Variants in CPVL observed in about 807,000 individuals in gnomAD.
CPVL encodes the protein carboxypeptidase vitellogenic like, also known as probable serine carboxypeptidase CPVL.
Under a neutral mutation model 63.7 loss-of-function variants are expected in CPVL, and 51 were observed. The observed-to-expected ratio is 0.80, with a 90% confidence interval of 0.64 to 1.01. The LOEUF (loss-of-function observed/expected upper bound fraction) is 1.01. Ranked by LOEUF, CPVL falls within the 50% of genes least tolerant of loss-of-function variation. The pLI is 0.00. For synonymous variants in CPVL, 195 were observed against 206.0 expected (o/e 0.95, Z 0.46); for missense variants, 530 against 573.1 (o/e 0.92, Z 0.77).
intron 2 of CPVL, among the ~76,000 whole-genome samples, chr7:29,118,077 T>C (rs998991238): frequency 2.6e-5 from 4 of 152,174 alleles, no homozygotes; most frequent in African/African-American, 9.7e-5. Flanking sequence ...CTGGTCACTT[T>C]AGAAGAACAC....
intron 4 of CPVL, 51 bp downstream of exon 4, chr7:29,096,052 T>G: frequency 3.6e-6 from 5 of 1,394,072 alleles, no homozygotes; most frequent in African/African-American, 1.4e-5. Flanking sequence ...GGAGCAGGTA[T>G]GAGGCTCAGA....
chr7:29,122,834 C>G (rs1490720953), intron 1 of CPVL, among the ~76,000 whole-genome samples: 1 of 152,118 alleles, frequency 6.6e-6, no homozygotes, highest in African/African-American at 2.4e-5. Flanking sequence ...TAACATATTA[C>G]TAGTCTTGAA....
chr7:29,114,886 T>C (rs1788626160), intron 2 of CPVL, among the ~76,000 whole-genome samples: 1 of 152,144 alleles, frequency 6.6e-6, no homozygotes, highest in Admixed American at 6.5e-5. Flanking sequence ...TTGCTGTCTG[T>C]GAAATGCACC....
intron 5 of CPVL, among the ~76,000 whole-genome samples, chr7:29,176,188 GA>G (rs200056581): frequency 3.6e-5 from 5 of 137,296 alleles, no homozygotes; most frequent in Admixed American, 7.4e-5. Context: ...TCCGTCTCAA[GA>G]AAAAAAAAAC....
At chr7:29,181,907 G>A (rs1453043825) in intron 4 of CPVL, among the ~76,000 whole-genome samples, 1 of 152,150 alleles carries the variant, frequency 6.6e-6, no homozygotes, top group Non-Finnish European at 1.5e-5. Context: ...AGGGAATATG[G>A]ATGATTTCTT....
At chr7:29,059,192 C>T (rs1415616172) in intron 11 of CPVL, among the ~76,000 whole-genome samples, 1 of 152,098 alleles carries the variant, frequency 6.6e-6, no homozygotes, top group Non-Finnish European at 1.5e-5. Context: ...TACTAGTGAG[C>T]CCACCAAAGA....
chr7:29,033,446 A>G (rs1002647824), intron 11 of CPVL, among the ~76,000 whole-genome samples: 1 of 152,162 alleles, frequency 6.6e-6, no homozygotes, highest in Admixed American at 6.5e-5. Flanking sequence ...TCTGACAAGG[A>G]CAGGTTGGCC....
At chr7:29,147,882 T>C (rs1792979653), upstream of CPVL, among the ~76,000 whole-genome samples, 1 of 152,200 alleles carries the variant, frequency 6.6e-6, no homozygotes, top group Non-Finnish European at 1.5e-5. Context: ...ACCTTGGGAA[T>C]TGACATGAAA....
intron 1 of CPVL, chr7:29,194,852 G>T: frequency 8.1e-7 from 1 of 1,230,796 alleles, no homozygotes. Context: ...TGGGCTGGGG[G>T]CCGCGGAGGC....
In CPVL at chr7:28,995,539, C is replaced by T. The variant is rs1783975659; in HGVS notation, c.*233G>A. 2 of 441,712 alleles carry T rather than the reference C, an allele frequency of 4.5e-6. No individual in the cohort carries two copies. Among genetic ancestry groups the T allele is most frequent in the Non-Finnish European group, 7.9e-6 (2 of 253,404 alleles). 27.4% of individuals were successfully genotyped at this position (441,712 alleles called of 1,614,324 possible). Reference sequence around the variant, plus strand: ...TTGTCTCAGTGTCACATCATCCATACCTTTCATCCTTTAAGTTAAATAATG... The same window carrying T: ...TTGTCTCAGTGTCACATCATCCATATCTTTCATCCTTTAAGTTAAATAATG... On this transcript the variant is annotated 3_prime_UTR_variant, in exon 13 of 13. Transcript: ENST00000265394.
At chr7:29,045,379 G>A (rs1393292984) in intron 11 of CPVL, among the ~76,000 whole-genome samples, 1 of 152,064 alleles carries the variant, frequency 6.6e-6, no homozygotes, top group African/African-American at 2.4e-5. Flanking sequence ...GTATAAATTG[G>A]TTTTCGAATG....
chr7:29,021,672 A>T (rs753806921), intron 12 of CPVL, among the ~76,000 whole-genome samples: 13 of 151,986 alleles, frequency 8.6e-5, no homozygotes, highest in Non-Finnish European at 1.6e-4. Context: ...ACAAGCCCTG[A>T]GACTAGTATA....
At chr7:29,174,035 C>T (rs1796944962) in intron 5 of CPVL, among the ~76,000 whole-genome samples, 1 of 151,962 alleles carries the variant, frequency 6.6e-6, no homozygotes, top group Non-Finnish European at 1.5e-5. Flanking sequence ...CAGACACAAG[C>T]GGAGTTCACA....
chr7:29,040,512 A>AGGAG (rs1243945800), intron 11 of CPVL, among the ~76,000 whole-genome samples: 16 of 152,320 alleles, frequency 1.1e-4, no homozygotes, highest in Non-Finnish European at 2.4e-4. Flanking sequence ...TGTAATACTC[A>AGGAG]GGAGGCCTGA....
At chr7:29,072,460 T>C (rs375546558) in intron 7 of CPVL, 37 bp from the exon 8 acceptor site, 2 of 1,603,454 alleles carry the variant, frequency 1.2e-6, no homozygotes, top group Non-Finnish European at 1.7e-6. Context: ...CAATCACAAA[T>C]GGATGCTAGT....
chr7:29,118,906 C>A (rs1335203574), intron 2 of CPVL, among the ~76,000 whole-genome samples: 1 of 152,184 alleles, frequency 6.6e-6, no homozygotes, highest in Admixed American at 6.5e-5. Flanking sequence ...TGTGCCAGAT[C>A]CCTGTCTCTC....
At chr7:29,074,616 T>C (rs1046907721) in intron 7 of CPVL, among the ~76,000 whole-genome samples, 1 of 151,672 alleles carries the variant, frequency 6.6e-6, no homozygotes, top group Non-Finnish European at 1.5e-5. Flanking sequence ...AGGGATCTGG[T>C]GGGAGGTGAT....
intron 12 of CPVL, chr7:29,011,876 T>C (rs1785879120): frequency 1.3e-5 from 2 of 152,252 alleles, no homozygotes; most frequent in South Asian, 4.1e-4. Flanking sequence ...TGAGAATGTC[T>C]TTGCTTTCTA....
At chr7:29,188,791 A>G (rs1427033620) in intron 1 of CPVL, among the ~76,000 whole-genome samples, 1 of 152,212 alleles carries the variant, frequency 6.6e-6, no homozygotes, top group Admixed American at 6.5e-5. Flanking sequence ...CTGAAAAGAA[A>G]GTCGTCACCG....
Sources: allele counts gnomAD v4.1 joint callset (sites outside exome capture counted in the v4.1 genomes callset), GRCh38; gene constraint gnomAD v4.1.1; transcripts MANE v1.5; gene names NCBI Gene and HGNC (gene_info 2026-07-23, HGNC 2026-07-21).